Variants in UTP4 observed in about 807,000 individuals in gnomAD.
UTP4 encodes UTP4 small subunit processome component, also known as U3 small nucleolar RNA-associated protein 4 homolog.
Under a neutral mutation model 82.4 loss-of-function variants are expected in UTP4, and 45 were observed. The observed-to-expected ratio is 0.55, with a 90% confidence interval of 0.43 to 0.70. The LOEUF is 0.70. Ranked by LOEUF, UTP4 falls within the 30% of genes least tolerant of loss-of-function variation. The probability of loss-of-function intolerance (pLI) is 0.00; values close to 1 mark genes in which losing one functional copy is unlikely to be tolerated. For missense variants in UTP4, 819 were observed against 858.3 expected (o/e 0.95, Z 0.57); for synonymous variants, 348 against 300.3 (o/e 1.16, Z -1.64).
chr16:69,160,935 G>A (rs1209395813), intron 13 of UTP4, among the ~76,000 whole-genome samples: 1 of 152,050 alleles, frequency 6.6e-6, no homozygotes, highest in Non-Finnish European at 1.5e-5. Flanking sequence ...TCCAGGTTTG[G>A]AATCCTGTTT....
At chr16:69,163,583 A>T (rs1029409199) in intron 14 of UTP4, among the ~76,000 whole-genome samples, 5 of 152,150 alleles carry the variant, frequency 3.3e-5, no homozygotes, top group African/African-American at 1.2e-4. Flanking sequence ...GAGGAAATCA[A>T]GCCCTAATAA....
intron 12 of UTP4, among the ~76,000 whole-genome samples, chr16:69,159,831 T>G (rs1344286039): frequency 6.6e-6 from 1 of 151,836 alleles, no homozygotes; most frequent in African/African-American, 2.4e-5. Context: ...CTACTAAAAA[T>G]ACAAAAATTA....
At chr16:69,134,708 T>C (rs1218285270) in intron 2 of UTP4, among the ~76,000 whole-genome samples, 1 of 147,964 alleles carries the variant, frequency 6.8e-6, no homozygotes, top group Non-Finnish European at 1.5e-5. Flanking sequence ...TTTTCTTTTT[T>C]TTTTTTTTTT....
chr16:69,133,522 T>C lies in UTP4; in HGVS notation c.63T>C (p.Cys21=). Reference sequence around the variant, plus strand: ...ATTATGTTCCATCAGGAATCCGCTGTGTGGCTTACAATAACCAGTCAAACA... The same window carrying C: ...ATTATGTTCCATCAGGAATCCGCTGCGTGGCTTACAATAACCAGTCAAACA... ...FFNYVPSGIR[C]VAYNNQSNRL... The change falls in exon 2 of 17, where the codon TGT becomes TGC. Residue 21 remains cysteine, a synonymous_variant. Transcript: ENST00000314423. 1.2e-6 allele frequency: 2 copies of C among 1,614,214 alleles called. No homozygotes were observed. Among genetic ancestry groups the C allele is most frequent in the Non-Finnish European group, 1.7e-6 (2 of 1,180,032 alleles).
intron 12 of UTP4, among the ~76,000 whole-genome samples, chr16:69,159,797 A>G (rs1963517584): frequency 6.6e-6 from 1 of 151,316 alleles, no homozygotes; most frequent in Admixed American, 6.6e-5. Flanking sequence ...AGACCAGCCC[A>G]GCCAACATGG....
At chr16:69,145,597 G>A (rs1214768388) in intron 6 of UTP4, among the ~76,000 whole-genome samples, 1 of 151,238 alleles carries the variant, frequency 6.6e-6, no homozygotes, top group Non-Finnish European at 1.5e-5. Flanking sequence ...TAAGTAAACT[G>A]TGTCGTTGGA....
At chr16:69,137,685 G>A (rs1359386113) in intron 3 of UTP4, 116 bp from the exon 4 acceptor site, 2 of 709,020 alleles carry the variant, frequency 2.8e-6, no homozygotes, top group African/African-American at 3.6e-5. Flanking sequence ...GCAACTGATA[G>A]CTTTAAGGAG....
In UTP4 at chr16:69,136,645, C is replaced by T. The variant is rs749776278; in HGVS notation, c.160-51C>T. ...CATGTTGCCTGTGACCACTCAGTAC[C>T]GGTACCTGATGAATTTGTGGTAATG... On this transcript the variant is annotated intron_variant, in intron 2 of 16. Transcript: ENST00000314423. 5.0e-5 allele frequency: 79 copies of T among 1,586,116 alleles called. No individual in the cohort carries two copies. In the Admixed American group the frequency reaches 5.0e-4, roughly 10 times the overall value.
At chr16:69,168,232 C>T (rs980673712) in intron 16 of UTP4, among the ~76,000 whole-genome samples, 1 of 151,786 alleles carries the variant, frequency 6.6e-6, no homozygotes, top group Non-Finnish European at 1.5e-5. Flanking sequence ...TTCAGGAGAT[C>T]GAGACCATCC....
chr16:69,163,259 G>C (rs745367417), intron 14 of UTP4, 81 bp downstream of exon 14: 3 of 1,172,520 alleles, frequency 2.6e-6, no homozygotes, highest in South Asian at 1.2e-5. Flanking sequence ...GTTGCGGGGA[G>C]CTTTTTTTTG....
chr16:69,167,842 CA>C (rs35837577), intron 16 of UTP4: 36,525 of 126,624 alleles, frequency 0.29, 4,913 homozygotes, highest in African/African-American at 0.4. Flanking sequence ...CCTGTCTCTA[CA>C]AAAAAAAAAA....
intron 8 of UTP4, among the ~76,000 whole-genome samples, chr16:69,151,344 ACTGAGT>A (rs1963261710): frequency 7.9e-6 from 1 of 127,010 alleles, no homozygotes; most frequent in Admixed American, 8.7e-5. Flanking sequence ...TTTTTTTGAG[ACTGAGT>A]CTCTCTCTGT....
At chr16:69,159,192 T>C (rs919887286) in intron 12 of UTP4, among the ~76,000 whole-genome samples, 1 of 152,088 alleles carries the variant, frequency 6.6e-6, no homozygotes, top group Non-Finnish European at 1.5e-5. Context: ...TTCTCCTGCC[T>C]CAGCCTCCCT....
chr16:69,135,409 T>G (rs552645140), intron 2 of UTP4, among the ~76,000 whole-genome samples: 2 of 151,350 alleles, frequency 1.3e-5, no homozygotes, highest in South Asian at 4.2e-4. Flanking sequence ...CAAGAAAAAA[T>G]TAGTACGTTA....
At chr16:69,165,714 C>G in intron 15 of UTP4, 188 bp downstream of exon 15, 3 of 672,324 alleles carry the variant, frequency 4.5e-6, no homozygotes, top group Non-Finnish European at 8.0e-6. Flanking sequence ...TGTGTTCCCA[C>G]AGTTCTTCGG....
Position 69,155,907 on chromosome 16 carries a change from T to G in UTP4, c.1201T>G (p.Cys401Gly). The G allele has an allele frequency of 6.2e-7, 1 of 1,614,042 alleles. No homozygotes were observed. Among genetic ancestry groups the G allele is most frequent in the Middle Eastern group, 1.6e-4 (1 of 6,062 alleles). ...ENIICSCISP[C>G]GSWIAYSTVS... is the part of the protein sequence containing the mutation. ...CATTATCTGTAGCTGTATCTCCCCATGTGGAAGTTGGATAGCCTATTCTAC... is the reference window on the plus strand; with the variant it reads ...CATTATCTGTAGCTGTATCTCCCCAGGTGGAAGTTGGATAGCCTATTCTAC... Residue 401 changes from cysteine (C) to glycine (G), a missense_variant, in exon 11 of 17, where the codon TGT becomes GGT. Cys to Gly is a radical substitution (Grantham distance 159). Transcript: ENST00000314423.
chr16:69,160,516 AC>A (rs1963535896), intron 13 of UTP4, 54 bp downstream of exon 13: 3 of 1,276,524 alleles, frequency 2.4e-6, no homozygotes, highest in Non-Finnish European at 3.4e-6. Context: ...GAGCCAGTTC[AC>A]CCTGCAGTTA....
At chr16:69,156,988 G>C in intron 11 of UTP4, 96 bp from the exon 12 acceptor site, 1 of 1,314,990 alleles carries the variant, frequency 7.6e-7, no homozygotes, top group Non-Finnish European at 1.1e-6. Context: ...CTTAGAGACA[G>C]GAAGCATTAA....
Position 69,143,279 on chromosome 16 carries a change from A to G in UTP4, c.628A>G (p.Ile210Val), listed in dbSNP as rs771509260. ...GVAFLSDGTIISVDSAGKVQF... is the reference protein window; with the variant it reads ...GVAFLSDGTIVSVDSAGKVQF... ...CGCCTTCTTGTCCGATGGCACTATC[A>G]TAAGTGTGGACTCTGCTGGGAAGGT... Residue 210 changes from isoleucine (I) to valine (V), a missense_variant, in exon 6 of 17, where the codon ATA (isoleucine) becomes GTA (valine). By Grantham distance (29) the Ile-to-Val change is conservative. Transcript: ENST00000314423. 2.4e-5 allele frequency: 38 copies of G among 1,614,084 alleles called. No homozygotes were observed. In the Admixed American group the frequency reaches 2.8e-4, roughly 12 times the overall value.
Sources: gnomAD v4.1 joint callset for allele counts (sites outside exome capture counted in the v4.1 genomes callset) on GRCh38, gnomAD v4.1.1 for gene constraint, MANE v1.5 for transcripts, NCBI Gene and HGNC (gene_info 2026-07-23, HGNC 2026-07-21) for gene names.